The following SLIT2 variants were observed in gnomAD, a reference collection of about 807,000 sequenced individuals.
SLIT2 encodes the protein slit homolog 2 protein.
SLIT2 carries 41 observed loss-of-function variants against 185.7 expected under a neutral mutation model. The ratio of observed to expected loss-of-function variants is 0.22; its 90% CI spans 0.17 to 0.29. The LOEUF is 0.29. SLIT2 is among the 10% of genes least tolerant of loss of function. SLIT2 has a pLI of 1.00. For missense variants in SLIT2, 1,571 were observed against 1,909.0 expected, an observed-to-expected ratio of 0.82 and a Z score of 3.30; for synonymous variants, 693 against 680.2, an observed-to-expected ratio of 1.02 and a Z score of -0.29.
intron 24 of SLIT2, among the ~76,000 whole-genome samples, chr4:20,549,784 A>G (rs1041002200): frequency 5.3e-5 from 8 of 151,946 alleles, no homozygotes; most frequent in Admixed American, 3.9e-4. Flanking sequence ...ATATATTTAT[A>G]CATATATATA....
intron 4 of SLIT2, among the ~76,000 whole-genome samples, chr4:20,442,609 A>G (rs1308239746): frequency 6.6e-6 from 1 of 151,788 alleles, no homozygotes; most frequent in African/African-American, 2.4e-5. Flanking sequence ...TGAAACTCGG[A>G]AAGGAGCGAA....
chr4:20,317,606 T>C (rs1718713906), intron 4 of SLIT2, among the ~76,000 whole-genome samples: 1 of 152,052 alleles, frequency 6.6e-6, no homozygotes, highest in Non-Finnish European at 1.5e-5. Flanking sequence ...TAAAATGGGA[T>C]TTAAGTACTG....
At chr4:20,256,644 A>G in intron 1 of SLIT2, 28 bp from the exon 2 acceptor site, 1 of 1,186,618 alleles carries the variant, frequency 8.4e-7, no homozygotes. Flanking sequence ...AATAAAATGG[A>G]ACTTTCACTT....
At chr4:20,456,796 C>T (rs568129990) in intron 4 of SLIT2, among the ~76,000 whole-genome samples, 2 of 152,028 alleles carry the variant, frequency 1.3e-5, no homozygotes, top group South Asian at 4.1e-4. Flanking sequence ...TTTTAAAGTC[C>T]ATCAGCCAAG....
chr4:20,598,657 G>T (rs1728166897), intron 33 of SLIT2, among the ~76,000 whole-genome samples: 1 of 152,156 alleles, frequency 6.6e-6, no homozygotes, highest in Admixed American at 6.5e-5. Context: ...AAGGGATGCA[G>T]GGAGGTGTTG....
intron 8 of SLIT2, chr4:20,490,720 T>G: frequency 9.9e-7 from 1 of 1,009,910 alleles, no homozygotes; most frequent in South Asian, 1.4e-5. Context: ...GATTGCTTTT[T>G]TAAAAAATTA....
intron 15 of SLIT2, among the ~76,000 whole-genome samples, chr4:20,526,815 T>C (rs530180870): frequency 8.3e-4 from 127 of 152,306 alleles, no homozygotes; most frequent in Admixed American, 1.6e-3. Context: ...TCCCCTTTTT[T>C]CCAAAAATTT....
intron 4 of SLIT2, among the ~76,000 whole-genome samples, chr4:20,386,385 C>G (rs1423203068): frequency 6.6e-6 from 1 of 152,078 alleles, no homozygotes; most frequent in East Asian, 1.9e-4. Context: ...TCTTTAATAA[C>G]GGGTTGTGTT....
In SLIT2 at chr4:20,377,041, TAAAA is replaced by T. The variant is rs542686588; in HGVS notation, c.396-90709_396-90706del. 4.6e-5 allele frequency among the ~76,000 whole-genome samples: 7 copies of T among 151,174 alleles called. No homozygotes were observed. The South Asian group carries it at 6.3e-4, about 14-fold the overall frequency. ...TATAATTTAAAAAAAGTAAAAAAAA[TAAAA>T]AGAGAGAGAGAAAGTATTCAATACT... On this transcript the variant is annotated intron_variant, in intron 4 of 36. Transcript: ENST00000504154.
In SLIT2 at chr4:20,284,558, T is replaced by G. The variant is rs114300211; in HGVS notation, c.395+15677T>G. On this transcript the variant is annotated intron_variant, in intron 4 of 36. Transcript: ENST00000504154. ...AAAGACAGCATGTGAAGCATCATCTTTTTAATATCTTTGCGTATGTTCTTT... is the reference window on the plus strand; with the variant it reads ...AAAGACAGCATGTGAAGCATCATCTGTTTAATATCTTTGCGTATGTTCTTT... Among the ~76,000 whole-genome samples the G allele has an allele frequency of 6.5e-3, 997 of 152,320 alleles. 14 individuals are homozygous for G. The highest frequency in any genetic ancestry group is 0.022 in the African/African-American group (926 of 41,568).
chr4:20,403,063 G>A (rs1391673239), intron 4 of SLIT2, among the ~76,000 whole-genome samples: 1 of 151,768 alleles, frequency 6.6e-6, no homozygotes, highest in Non-Finnish European at 1.5e-5. Flanking sequence ...GTTTAAAATA[G>A]TTGAGCTTGT....
chr4:20,542,891 A>G (rs1219115339), intron 21 of SLIT2, among the ~76,000 whole-genome samples: 6 of 148,116 alleles, frequency 4.1e-5, no homozygotes, highest in Non-Finnish European at 7.4e-5. Context: ...TGCCTTTACT[A>G]TGCTAAAGTG....
chr4:20,414,394 A>AG (rs1373997127), intron 4 of SLIT2, among the ~76,000 whole-genome samples: 2 of 152,154 alleles, frequency 1.3e-5, no homozygotes, highest in African/African-American at 4.8e-5. Context: ...AGATGAAAAA[A>AG]AGTTGTGAAA....
rs1302202289 is a variant in SLIT2 at position 20,546,202 on chromosome 4, TCA to T, written c.2345+106_2345+107del. On this transcript the variant is annotated intron_variant, in intron 22 of 36. Transcript: ENST00000504154. ...GAACCTTCCAGATAATACAAATCATTCACAGTTAGATGCTTCCCTCCTTGCTC... is the reference window on the plus strand; with the variant it reads ...GAACCTTCCAGATAATACAAATCATTCAGTTAGATGCTTCCCTCCTTGCTC... 4.9e-6 allele frequency: 3 copies of T among 618,348 alleles called. No individual in the cohort carries two copies. In the African/African-American group the frequency reaches 5.6e-5, roughly 12 times the overall value. The allele number at this position is 618,348 out of a possible 1,614,324, so 38.3% of individuals were successfully genotyped here. A position where few individuals can be genotyped will look rare whatever the true frequency, so the allele number is the denominator to read the frequency against.
At chr4:20,479,133 C>A (rs902830124) in intron 5 of SLIT2, among the ~76,000 whole-genome samples, 4 of 152,106 alleles carry the variant, frequency 2.6e-5, no homozygotes, top group African/African-American at 7.2e-5. Flanking sequence ...GTTAATAGTG[C>A]ACGTCCTAAA....
At position 20,528,896 on chromosome 4, in the gene SLIT2, A is replaced by C. The variant is rs1241728593; in HGVS notation, c.1463-53A>C. The stretch of plus-strand genomic sequence containing the variant: ...ACTTTTTTCTTCCTACAAACTAATA[A>C]ATTTTCTAACCTTTAGACTCAGTAT... On this transcript the variant is annotated intron_variant, in intron 15 of 36. Coordinates refer to ENST00000504154, the MANE Select transcript of SLIT2 (RefSeq NM_004787.4). This position sits in a 1 kb window ranked among gnomAD's most constrained non-coding sequence, Gnocchi z 4.2. 1 of 1,446,936 alleles carries C rather than the reference A, an allele frequency of 6.9e-7. No individual in the cohort carries two copies. Among genetic ancestry groups the C allele is most frequent in the Non-Finnish European group, 9.4e-7 (1 of 1,059,150 alleles). The allele number at this position is 1,446,936 out of a possible 1,614,324, so 89.6% of individuals were successfully genotyped here.
intron 4 of SLIT2, among the ~76,000 whole-genome samples, chr4:20,415,239 G>A (rs897249812): frequency 5.9e-5 from 9 of 151,998 alleles, no homozygotes; most frequent in East Asian, 5.8e-4. Flanking sequence ...GTGAAACCCC[G>A]TCTCTACTAA....
intron 23 of SLIT2, 35 bp downstream of exon 23, chr4:20,548,594 A>G: frequency 7.9e-7 from 1 of 1,273,186 alleles, no homozygotes; most frequent in Non-Finnish European, 1.1e-6. Flanking sequence ...GTATTCATTA[A>G]TTCAATGGAC....
At chr4:20,287,156 A>C (rs558435324) in intron 4 of SLIT2, among the ~76,000 whole-genome samples, 1 of 152,206 alleles carries the variant, frequency 6.6e-6, no homozygotes, top group African/African-American at 2.4e-5. Flanking sequence ...TTCAGGAGTG[A>C]CTCAAGGAAG....
Sources: gnomAD v4.1 joint callset for allele counts (sites outside exome capture counted in the v4.1 genomes callset) on GRCh38, gnomAD v4.1.1 for gene constraint, Gnocchi (gnomAD v3.1) non-coding constraint, MANE v1.5 for transcripts, NCBI Gene and HGNC (gene_info 2026-07-23, HGNC 2026-07-21) for gene names.